The following PIEZO2 variants were observed in gnomAD, a reference collection of about 807,000 sequenced individuals.
PIEZO2 encodes piezo type mechanosensitive ion channel component 2.
A neutral mutation model predicts 337.3 loss-of-function variants in PIEZO2; 172 were observed. The observed-to-expected ratio is 0.51, with a 90% CI of 0.45 to 0.58. The LOEUF is 0.58. Among genes scored for constraint, PIEZO2 ranks in the 20% least tolerant of loss-of-function variants. The pLI is 0.00. For synonymous variants in PIEZO2, 1,251 were observed against 1,228.5 expected (o/e 1.02, Z -0.38); for missense variants, 3,028 against 3,391.3 (o/e 0.89, Z 2.66).
chr18:10,685,384 T>C (rs537930608), intron 49 of PIEZO2, among the ~76,000 whole-genome samples: 2 of 152,348 alleles, frequency 1.3e-5, no homozygotes, highest in South Asian at 2.1e-4. Flanking sequence ...TATCCTGAAG[T>C]AGCCATTGGT....
intron 7 of PIEZO2, among the ~76,000 whole-genome samples, chr18:10,844,216 C>T (rs1271538870): frequency 1.3e-5 from 2 of 151,254 alleles, no homozygotes; most frequent in Admixed American, 6.6e-5. Context: ...GCCAGGAGTT[C>T]GAGACCAGCC....
chr18:10,720,918 G>T (rs1235960264), intron 36 of PIEZO2, among the ~76,000 whole-genome samples: 1 of 152,136 alleles, frequency 6.6e-6, no homozygotes, highest in Non-Finnish European at 1.5e-5. Flanking sequence ...GCTTTCTTCT[G>T]CTAGAATGTC....
chr18:11,010,148 A>T (rs1449811917), intron 2 of PIEZO2, among the ~76,000 whole-genome samples: 2 of 152,222 alleles, frequency 1.3e-5, no homozygotes, highest in African/African-American at 4.8e-5. Flanking sequence ...AATTCTGTGT[A>T]TCTTTAGTTC....
Position 10,898,148 on chromosome 18 carries a change from A to T in PIEZO2, c.329+13038T>A, listed in dbSNP as rs1226701598. Among the ~76,000 whole-genome samples the T allele has an allele frequency of 3.3e-5, 5 of 152,378 alleles. No individual in the cohort carries two copies. The East Asian group carries it at 9.6e-4, about 29-fold the overall frequency. On this transcript the variant is annotated intron_variant, in intron 4 of 55. Coordinates refer to ENST00000674853, the MANE Select transcript of PIEZO2 (RefSeq NM_001378183.1). ...CTTGCATGGATGTGATCTAAGAGGT[A>T]AAAGTTTTACCTAAGAGAGACTCTG... is the stretch of plus-strand genomic sequence containing the variant.
intron 44 of PIEZO2, among the ~76,000 whole-genome samples, chr18:10,698,413 C>CAAAAGCTTCAGACAGGAGCCCCAT (rs2035193276): frequency 2.0e-5 from 3 of 151,730 alleles, no homozygotes; most frequent in African/African-American, 4.8e-5. Flanking sequence ...AGGAGCCCCA[C>CAAAAGCTTCAGACAGGAGCCCCAT]AGATACAAAA....
chr18:10,680,907 A>G (rs1320202183), intron 51 of PIEZO2, among the ~76,000 whole-genome samples: 1 of 152,220 alleles, frequency 6.6e-6, no homozygotes, highest in Non-Finnish European at 1.5e-5. Context: ...GGATTATGTT[A>G]TATTATTAAC....
intron 3 of PIEZO2, among the ~76,000 whole-genome samples, chr18:10,925,107 T>C (rs1035574233): frequency 6.6e-6 from 1 of 152,228 alleles, no homozygotes; most frequent in South Asian, 2.1e-4. Flanking sequence ...TCATTTTTAA[T>C]ACAATTGATA....
intron 1 of PIEZO2, among the ~76,000 whole-genome samples, chr18:11,130,512 T>C (rs929257530): frequency 2.0e-5 from 3 of 152,244 alleles, no homozygotes; most frequent in Non-Finnish European, 4.4e-5. Flanking sequence ...AGCTTTTCAC[T>C]TCCACAAGAT....
At position 10,671,512 on chromosome 18, in the gene PIEZO2, C is replaced by T. The variant is rs541950210; in HGVS notation, c.*15G>A. ...TTCAAATGTTAACATTATTTGCAGTCTGTGTTCTAAGGTTTCAATTTGTTT... is the reference window on the plus strand; with the variant it reads ...TTCAAATGTTAACATTATTTGCAGTTTGTGTTCTAAGGTTTCAATTTGTTT... On this transcript the variant is annotated 3_prime_UTR_variant, in exon 56 of 56. Coordinates refer to ENST00000674853, the MANE Select transcript of PIEZO2 (RefSeq NM_001378183.1). 5 of 1,594,664 alleles carry T rather than the reference C, an allele frequency of 3.1e-6. No homozygotes were observed. In the South Asian group the frequency reaches 3.4e-5, roughly 11 times the overall value.
chr18:11,006,067 C>G (rs1194416960), intron 2 of PIEZO2, among the ~76,000 whole-genome samples: 1 of 152,152 alleles, frequency 6.6e-6, no homozygotes, highest in Non-Finnish European at 1.5e-5. Context: ...TGTCTCTTTC[C>G]CTTGGCTCAG....
Position 10,715,814 on chromosome 18 carries a change from T to A in PIEZO2, c.5092A>T (p.Asn1698Tyr). The A allele has an allele frequency of 6.6e-7, 1 of 1,521,040 alleles. No homozygotes were observed. The highest frequency in any genetic ancestry group is 8.8e-7 in the Non-Finnish European group (1 of 1,137,026). 94.2% of individuals were successfully genotyped at this position (1,521,040 alleles called of 1,614,324 possible). The change falls in exon 38 of 56, where the codon AAT becomes TAT. Residue 1698 changes from asparagine (N) to tyrosine (Y), a missense_variant and splice_region_variant. Around this residue, in one of 5 missense-constraint regions of PIEZO2, gnomAD observed 1,925 missense variants for 2,051.9 expected, o/e 0.94. Transcript: ENST00000674853. ...ATATTAAATATCCTCTTGATGATAT[T>A]ATCTAGGAGGAAGAAAGGCAACAAG... is the stretch of plus-strand genomic sequence containing the variant. Reference protein sequence around the residue: ...PIKKKSDGPDNIIKRIFNILK... With the variant: ...PIKKKSDGPDYIIKRIFNILK...
chr18:10,905,638 A>G (rs1351541903), intron 4 of PIEZO2, among the ~76,000 whole-genome samples: 2 of 150,840 alleles, frequency 1.3e-5, no homozygotes, highest in East Asian at 1.9e-4. Flanking sequence ...CTCTACTCTC[A>G]GGAGTGAGCC....
At chr18:10,803,383 C>A (rs1223213112) in intron 9 of PIEZO2, among the ~76,000 whole-genome samples, 1 of 152,182 alleles carries the variant, frequency 6.6e-6, no homozygotes, top group Non-Finnish European at 1.5e-5. Flanking sequence ...CTAATTTTTA[C>A]TCAAATGCTT....
Position 11,148,729 on chromosome 18 carries a change from G to T in PIEZO2, c.-141C>A. On this transcript the variant is annotated 5_prime_UTR_variant, in exon 1 of 56. Coordinates refer to ENST00000674853, the MANE Select transcript of PIEZO2 (RefSeq NM_001378183.1). This position sits in a 1 kb window ranked among gnomAD's most constrained non-coding sequence, Gnocchi z 5.2. ...CGAGCATCGCCTCGGCGCGGGCCGC[G>T]ACGCTCTCCGCCCCGAGGGCACGCT... is the stretch of plus-strand genomic sequence containing the variant. 1.2e-6 allele frequency: 1 copy of T among 844,046 alleles called. No individual in the cohort carries two copies. The highest frequency in any genetic ancestry group is 1.7e-5 in the South Asian group (1 of 58,444). 52.3% of individuals were successfully genotyped at this position (844,046 alleles called of 1,614,324 possible). A position where few individuals can be genotyped will look rare whatever the true frequency, so the allele number is the denominator to read the frequency against.
At position 10,767,535 on chromosome 18, in the gene PIEZO2, T is replaced by C. The variant is rs1247875739; in HGVS notation, c.2946+2613A>G. 2.0e-5 allele frequency among the ~76,000 whole-genome samples: 3 copies of C among 152,110 alleles called. No individual in the cohort carries two copies. Among genetic ancestry groups the C allele is most frequent in the Non-Finnish European group, 4.4e-5 (3 of 68,010 alleles). On this transcript the variant is annotated intron_variant, in intron 21 of 55. Coordinates refer to ENST00000674853, the MANE Select transcript of PIEZO2 (RefSeq NM_001378183.1). The surrounding 1 kb of genome is among the most constrained non-coding windows in gnomAD (Gnocchi z 4.2). ...GGGATGCAGGGAGGAGAACGTCCTC[T>C]GCGCGCAGCCCGAGTGAGGAGCTAA...
intron 2 of PIEZO2, among the ~76,000 whole-genome samples, chr18:11,057,504 T>C (rs1233457700): frequency 1.3e-5 from 2 of 152,224 alleles, no homozygotes; most frequent in African/African-American, 4.8e-5. Flanking sequence ...TCTGGTTCTC[T>C]GTTAACTCTT....
chr18:10,837,030 T>C lies in PIEZO2; in HGVS notation c.917+18323A>G, dbSNP rs1265822617. 6.6e-6 allele frequency among the ~76,000 whole-genome samples: 1 copy of C among 152,162 alleles called. No individual in the cohort carries two copies. The highest frequency in any genetic ancestry group is 1.5e-5 in the Non-Finnish European group (1 of 68,032). ...TTGGTTTCAGCAAAACACACATTCT[T>C]CTATTGTGGGGTATAATCACTCTTA... On this transcript the variant is annotated intron_variant, in intron 7 of 55. Coordinates refer to ENST00000674853, the MANE Select transcript of PIEZO2 (RefSeq NM_001378183.1). The surrounding 1 kb of genome is among the most constrained non-coding windows in gnomAD (Gnocchi z 4.4).
chr18:10,677,995 G>T lies in PIEZO2; in HGVS notation c.7953-120C>A, dbSNP rs600433. The T allele has an allele frequency of 0.76, 734,058 of 963,228 alleles. 281,718 individuals are homozygous for T. The highest frequency in any genetic ancestry group is 0.78 in the Admixed American group (25,247 of 32,234). The allele number at this position is 963,228 out of a possible 1,614,324, so 59.7% of individuals were successfully genotyped here. On this transcript the variant is annotated intron_variant, in intron 52 of 55. Coordinates refer to ENST00000674853, the MANE Select transcript of PIEZO2 (RefSeq NM_001378183.1). The surrounding 1 kb of genome is among the most constrained non-coding windows in gnomAD (Gnocchi z 4.1). ...ACCACGTTTTCATTGGGTCCACAAC[G>T]GTCAATCCTGACCCTTTCAGTCTAC...
rs1181934861 is a variant in PIEZO2, at chr18:10,775,960, G to A, written c.2535-1922C>T. 6.6e-6 allele frequency among the ~76,000 whole-genome samples: 1 copy of A among 152,082 alleles called. No individual in the cohort carries two copies. Among genetic ancestry groups the A allele is most frequent in the East Asian group, 1.9e-4 (1 of 5,200 alleles). On this transcript the variant is annotated intron_variant, in intron 18 of 55. Transcript: ENST00000674853. The surrounding 1 kb of genome is among the most constrained non-coding windows in gnomAD (Gnocchi z 4.3). ...TTATGTATCAGGCTGTCATTTACTA[G>A]TCTAGGGGTTTATTAACTATCTTGA...
Sources: gnomAD v4.1 joint callset for allele counts (sites outside exome capture counted in the v4.1 genomes callset) on GRCh38, gnomAD v4.1.1 for gene constraint, gnomAD v4.1.1 regional missense constraint, Gnocchi (gnomAD v3.1) non-coding constraint, MANE v1.5 for transcripts, NCBI Gene and HGNC (gene_info 2026-07-23, HGNC 2026-07-21) for gene names.